The following CCSER1 variants were observed in gnomAD, a reference collection of about 807,000 sequenced individuals.
CCSER1 encodes serine-rich coiled-coil domain-containing protein 1.
In CCSER1, 41 loss-of-function variants were observed where a neutral mutation model predicts 82.0. That is an observed-to-expected ratio of 0.50 (90% CI 0.39 to 0.65). The LOEUF is 0.65. Ranked by LOEUF, CCSER1 falls within the 30% of genes least tolerant of loss-of-function variation. CCSER1 has a pLI of 0.00. For missense variants in CCSER1, 1,119 were observed against 1,064.2 expected (o/e 1.05, Z -0.72); for synonymous variants, 414 against 383.9 (o/e 1.08, Z -0.92).
chr4:91,566,039 C>T (rs1762871940), intron 10 of CCSER1, among the ~76,000 whole-genome samples: 1 of 152,124 alleles, frequency 6.6e-6, no homozygotes, highest in Non-Finnish European at 1.5e-5. Flanking sequence ...TCATAGATAG[C>T]TCTTATTATT....
chr4:90,479,016 G>T (rs1402661258), intron 5 of CCSER1, among the ~76,000 whole-genome samples: 1 of 152,048 alleles, frequency 6.6e-6, no homozygotes, highest in Non-Finnish European at 1.5e-5. Flanking sequence ...TAGGATTACA[G>T]GTGTGAGCCC....
intron 7 of CCSER1, among the ~76,000 whole-genome samples, chr4:90,728,561 G>A (rs547364438): frequency 4.1e-4 from 62 of 152,244 alleles, no homozygotes; most frequent in African/African-American, 1.4e-3. Context: ...TAGGCTGGGT[G>A]TAGTGGCTCA....
At chr4:91,519,436 G>A (rs1560733595) in intron 10 of CCSER1, among the ~76,000 whole-genome samples, 1 of 152,224 alleles carries the variant, frequency 6.6e-6, no homozygotes, top group African/African-American at 2.4e-5. Flanking sequence ...CCTGCGAGGT[G>A]CAGTGGAATC....
chr4:90,667,853 A>G (rs993333841), intron 6 of CCSER1, among the ~76,000 whole-genome samples: 1 of 152,180 alleles, frequency 6.6e-6, no homozygotes, highest in Admixed American at 6.5e-5. Context: ...TACTTACCAA[A>G]GATTTCAATA....
chr4:90,224,599 G>A (rs1742782226), intron 1 of CCSER1, among the ~76,000 whole-genome samples: 2 of 152,120 alleles, frequency 1.3e-5, no homozygotes, highest in Non-Finnish European at 2.9e-5. Context: ...CACACATAAT[G>A]ATTAACACAT....
chr4:90,919,189 T>C (rs1728015634), intron 8 of CCSER1, among the ~76,000 whole-genome samples: 1 of 150,554 alleles, frequency 6.6e-6, no homozygotes. Flanking sequence ...CTGTAATTAC[T>C]AGCTATGCAG....
intron 10 of CCSER1, among the ~76,000 whole-genome samples, chr4:91,417,718 AG>A (rs1753450050): frequency 6.6e-6 from 1 of 152,004 alleles, no homozygotes; most frequent in Non-Finnish European, 1.5e-5. Flanking sequence ...AGAGAGCATC[AG>A]GAAGAATAGC....
intron 10 of CCSER1, among the ~76,000 whole-genome samples, chr4:91,356,704 G>T (rs986839830): frequency 2.6e-5 from 4 of 152,130 alleles, no homozygotes; most frequent in African/African-American, 9.7e-5. Context: ...ATAAGCTCTT[G>T]AAAATTCCTA....
At chr4:90,832,564 AAAAAT>A (rs1400802617) in intron 8 of CCSER1, among the ~76,000 whole-genome samples, 1 of 152,194 alleles carries the variant, frequency 6.6e-6, no homozygotes, top group African/African-American at 2.4e-5. Flanking sequence ...AGATCCATAA[AAAAAT>A]AAAATAGTGT....
chr4:91,191,958 C>T (rs1415009015), intron 10 of CCSER1, among the ~76,000 whole-genome samples: 1 of 152,000 alleles, frequency 6.6e-6, no homozygotes, highest in Non-Finnish European at 1.5e-5. Context: ...ATTTTCACTG[C>T]TTCATCTCCT....
At chr4:90,780,167 A>C (rs1753555537) in intron 7 of CCSER1, among the ~76,000 whole-genome samples, 1 of 152,210 alleles carries the variant, frequency 6.6e-6, no homozygotes, top group Admixed American at 6.5e-5. Flanking sequence ...CCTGTTAGGC[A>C]GTTAAGGTAA....
chr4:91,502,189 A>G (rs912628380), intron 10 of CCSER1, among the ~76,000 whole-genome samples: 2 of 152,164 alleles, frequency 1.3e-5, no homozygotes, highest in Non-Finnish European at 2.9e-5. Context: ...GAAGTTGACA[A>G]AAGGACTACC....
At chr4:91,128,606 C>T (rs150159285) in intron 10 of CCSER1, among the ~76,000 whole-genome samples, 25 of 152,122 alleles carry the variant, frequency 1.6e-4, no homozygotes, top group Admixed American at 3.9e-4. Flanking sequence ...CTAATCCTAA[C>T]GGCAAAATCA....
intron 10 of CCSER1, among the ~76,000 whole-genome samples, chr4:91,133,876 G>C (rs191351871): frequency 1.3e-5 from 2 of 152,054 alleles, no homozygotes; most frequent in Admixed American, 1.3e-4. Flanking sequence ...CGAGGCAGGC[G>C]GATCATGAGG....
intron 9 of CCSER1, among the ~76,000 whole-genome samples, chr4:91,039,586 G>C (rs775282776): frequency 6.6e-6 from 1 of 151,862 alleles, no homozygotes; most frequent in African/African-American, 2.4e-5. Context: ...TGACAATTTA[G>C]GTTGTTGCCA....
At chr4:90,942,265 G>A (rs1731685984) in intron 9 of CCSER1, among the ~76,000 whole-genome samples, 1 of 151,980 alleles carries the variant, frequency 6.6e-6, no homozygotes, top group Non-Finnish European at 1.5e-5. Flanking sequence ...GAAATATCCT[G>A]TCTTTTAAAT....
intron 10 of CCSER1, among the ~76,000 whole-genome samples, chr4:91,408,770 T>C (rs1406515618): frequency 6.6e-6 from 1 of 152,246 alleles, no homozygotes; most frequent in African/African-American, 2.4e-5. Flanking sequence ...GAAAATGTTA[T>C]ATATCACAAT....
intron 3 of CCSER1, among the ~76,000 whole-genome samples, chr4:90,378,974 G>A (rs1284988443): frequency 6.6e-6 from 1 of 152,026 alleles, no homozygotes; most frequent in African/African-American, 2.4e-5. Context: ...GTCTCTTCTA[G>A]AAAAATAATT....
intron 5 of CCSER1, among the ~76,000 whole-genome samples, chr4:90,508,386 C>T (rs767511485): frequency 7.9e-5 from 12 of 151,770 alleles, no homozygotes; most frequent in Non-Finnish European, 1.8e-4. Context: ...TCATTTAGAC[C>T]TCACAGACTT....
Sources: allele counts gnomAD v4.1 joint callset (sites outside exome capture counted in the v4.1 genomes callset), GRCh38; gene constraint gnomAD v4.1.1; transcripts MANE v1.5; gene names NCBI Gene and HGNC (gene_info 2026-07-23, HGNC 2026-07-21).